ZC4H2: variants seen among roughly 807,000 people sequenced by gnomAD.
The protein encoded by ZC4H2 is zinc finger C4H2 domain-containing protein.
For missense variants in ZC4H2, 137 were observed against 173.9 expected (o/e 0.79, Z 1.19); for synonymous variants, 84 against 66.3 (o/e 1.27, Z -1.30).
intron 1 of ZC4H2, among the ~76,000 whole-genome samples, chrX:65,018,627 G>A (rs1452778803): frequency 9.4e-6 from 1 of 105,898 alleles, no homozygotes; most frequent in Non-Finnish European, 1.9e-5. Context: ...CACTGGGCTG[G>A]TTGCAGGAGC....
chrX:64,916,417 A>G lies in ZC4H2; in HGVS notation c.*1366T>C, dbSNP rs994945073. On this transcript the variant is annotated 3_prime_UTR_variant, in exon 5 of 5. Coordinates refer to ENST00000374839, the MANE Select transcript of ZC4H2 (RefSeq NM_018684.4). Reference sequence around the variant, plus strand: ...ACATCTTTTGTATTATCCAATACACAGTAGATACTCAGAATTTACTCCAAT... The same window carrying G: ...ACATCTTTTGTATTATCCAATACACGGTAGATACTCAGAATTTACTCCAAT... The G allele has an allele frequency of 5.3e-5, 6 of 112,277 alleles. No homozygotes were observed. The highest frequency in any genetic ancestry group is 9.4e-5 in the Non-Finnish European group (5 of 53,280). 9.3% of individuals were successfully genotyped at this position (112,277 alleles called of 1,213,427 possible).
At chrX:64,994,054 C>T (rs1932361967) in intron 1 of ZC4H2, among the ~76,000 whole-genome samples, 1 of 111,984 alleles carries the variant, frequency 8.9e-6, no homozygotes, top group Admixed American at 9.4e-5. Context: ...ATGTTTGTGT[C>T]TCCACTTAAA....
rs1250697802 is a variant in ZC4H2, at chrX:64,933,419, T to C, written c.54-11431A>G. Among the ~76,000 whole-genome samples the C allele has an allele frequency of 3.6e-5, 4 of 111,979 alleles. No individual in the cohort carries two copies. In the East Asian group the frequency reaches 1.1e-3, roughly 31 times the overall value. On this transcript the variant is annotated intron_variant, in intron 1 of 4. Transcript: ENST00000374839. ...AGCTAGTAGGATCTTTTCAGGATGA[T>C]TTAGAACCCTGTCTTGTCATATTAC...
chrX:64,918,093 G>C, intron 4 of ZC4H2, 197 bp from the exon 5 acceptor site: 1 of 417,935 alleles, frequency 2.4e-6, no homozygotes, highest in Non-Finnish European at 3.9e-6. Flanking sequence ...AGAGAATGGT[G>C]TTGAGAAAAA....
chrX:64,981,148 G>A (rs939317577), upstream of ZC4H2, among the ~76,000 whole-genome samples: 1 of 111,296 alleles, frequency 9.0e-6, no homozygotes, highest in African/African-American at 3.3e-5. Flanking sequence ...GGCTGATTAA[G>A]GGGAGCAGAA....
intron 1 of ZC4H2, among the ~76,000 whole-genome samples, chrX:64,960,149 C>A (rs1199548149): frequency 9.0e-6 from 1 of 110,642 alleles, no homozygotes. Context: ...ATATTCTAGG[C>A]TGCAGGGAAG....
chrX:65,002,551 G>C (rs899667109), intron 1 of ZC4H2, among the ~76,000 whole-genome samples: 2 of 112,036 alleles, frequency 1.8e-5, no homozygotes, highest in African/African-American at 6.5e-5. Context: ...CACCCCGTCT[G>C]GGAGGTGTAC....
intron 4 of ZC4H2, 112 bp from the exon 5 acceptor site, chrX:64,918,008 G>A: frequency 2.2e-6 from 2 of 912,591 alleles, no homozygotes; most frequent in Non-Finnish European, 3.0e-6. Context: ...CATCAGAAGA[G>A]AGCAATAATC....
At chrX:64,944,585 A>C (rs1300309523) in intron 1 of ZC4H2, among the ~76,000 whole-genome samples, 1 of 110,889 alleles carries the variant, frequency 9.0e-6, no homozygotes. Flanking sequence ...GGAGTATCTT[A>C]GTGGTGCTCT....
intron 1 of ZC4H2, among the ~76,000 whole-genome samples, chrX:64,982,816 A>C (rs1932109260): frequency 8.9e-6 from 1 of 112,349 alleles, no homozygotes; most frequent in African/African-American, 3.2e-5. Context: ...AAAAATGTAC[A>C]ATGAAAAATG....
At chrX:64,939,560 C>T (rs926787927) in intron 1 of ZC4H2, among the ~76,000 whole-genome samples, 2 of 111,922 alleles carry the variant, frequency 1.8e-5, no homozygotes, top group Middle Eastern at 4.6e-3. Context: ...TTACAGAAAC[C>T]GAAACTGCAT....
At chrX:64,945,051 A>G (rs897833799) in intron 1 of ZC4H2, among the ~76,000 whole-genome samples, 8 of 112,482 alleles carry the variant, frequency 7.1e-5, no homozygotes, top group African/African-American at 2.3e-4. Context: ...GAAGTTTGTT[A>G]TTACCCACCT....
intron 1 of ZC4H2, among the ~76,000 whole-genome samples, chrX:64,942,869 T>A (rs1345417275): frequency 1.8e-5 from 2 of 111,927 alleles, no homozygotes; most frequent in Non-Finnish European, 1.9e-5. Context: ...CTGGGTCAGA[T>A]GGTATTTCTA....
At position 64,987,020 on chromosome X, in the gene ZC4H2, C is replaced by T. The variant is rs1002853589; in HGVS notation, c.-272+47609G>A. Among the ~76,000 whole-genome samples, 14 of 106,709 alleles carry T rather than the reference C, an allele frequency of 1.3e-4. No individual in the cohort carries two copies. The South Asian group carries it at 1.7e-3, about 13-fold the overall frequency. The allele number at this position is 106,709 out of a possible 115,157, so 92.7% of individuals were successfully genotyped here. ...TAGGCAAACTGCAAGCTCTGCCTCC[C>T]GGGTTCACGCCATTCTCTTGCCTCA... On this transcript the variant is annotated intron_variant, in intron 1 of 4. Transcript: ENST00000337990.
intron 1 of ZC4H2, among the ~76,000 whole-genome samples, chrX:65,003,876 C>CA (rs767902610): frequency 0.012 from 897 of 73,562 alleles, 5 homozygotes; most frequent in African/African-American, 0.02. Flanking sequence ...AACTATGTCT[C>CA]AAAAAAAAAA....
chrX:64,924,119 A>G (rs1929325978), intron 1 of ZC4H2, among the ~76,000 whole-genome samples: 2 of 111,719 alleles, frequency 1.8e-5, no homozygotes, highest in Admixed American at 1.9e-4. Context: ...TCAGAGTAGT[A>G]TAGTGTCTCA....
chrX:64,967,386 C>T (rs1420247365), intron 1 of ZC4H2, among the ~76,000 whole-genome samples: 4 of 111,928 alleles, frequency 3.6e-5, no homozygotes, highest in Non-Finnish European at 7.5e-5. Flanking sequence ...TCTTTACAAA[C>T]TTCCATCAAT....
intron 1 of ZC4H2, among the ~76,000 whole-genome samples, chrX:64,973,885 G>A (rs1043172048): frequency 1.8e-5 from 2 of 110,642 alleles, no homozygotes; most frequent in African/African-American, 6.6e-5. Flanking sequence ...CTCTTCAGCT[G>A]TTTTGAAGAA....
chrX:64,922,059 T>A (rs1929221604), intron 1 of ZC4H2, 71 bp from the exon 2 acceptor site: 3 of 1,161,644 alleles, frequency 2.6e-6, no homozygotes, highest in Non-Finnish European at 3.4e-6. Context: ...CCAGGACTTT[T>A]TTTCTAAGCC....
Sources: gnomAD v4.1 joint callset for allele counts (sites outside exome capture counted in the v4.1 genomes callset) on GRCh38, gnomAD v4.1.1 for gene constraint, MANE v1.5 for transcripts, NCBI Gene and HGNC (gene_info 2026-07-23, HGNC 2026-07-21) for gene names.